RASA1: variants seen among roughly 807,000 people sequenced by gnomAD.
RASA1 encodes the protein ras GTPase-activating protein 1.
In RASA1, 25 loss-of-function variants were observed where a neutral mutation model predicts 132.2. The ratio of observed to expected loss-of-function variants is 0.19; its 90% CI spans 0.14 to 0.26. The LOEUF (loss-of-function observed/expected upper bound fraction) is 0.26. RASA1 is among the 10% of genes least tolerant of loss of function. The pLI is 1.00. For missense variants in RASA1, 964 were observed against 1,299.2 expected (o/e 0.74, Z 3.97); for synonymous variants, 477 against 449.9 (o/e 1.06, Z -0.76).
chr5:87,278,026 C>T (rs528907594), intron 1 of RASA1, among the ~76,000 whole-genome samples: 3 of 152,090 alleles, frequency 2.0e-5, no homozygotes, highest in East Asian at 1.9e-4. Flanking sequence ...TTAAAAATTT[C>T]GCTAATACAT....
In RASA1 at chr5:87,381,449, T is replaced by C. The variant is rs1054999938; in HGVS notation, c.2690+854T>C. Among the ~76,000 whole-genome samples the C allele has an allele frequency of 5.3e-5, 8 of 152,352 alleles. No homozygotes were observed. The South Asian group carries it at 1.4e-3, about 28-fold the overall frequency. ...AGTTTTCTAATAATATAATTTGTTA[T>C]TTAGAATATACACTGTCATGTCATG... On this transcript the variant is annotated intron_variant, in intron 20 of 24. Coordinates refer to ENST00000274376, the MANE Select transcript of RASA1 (RefSeq NM_002890.3).
rs747740174 is a variant in RASA1 at position 87,268,396 on chromosome 5, G to T, written c.-56G>T. The T allele has an allele frequency of 5.4e-6, 8 of 1,468,726 alleles. No individual in the cohort carries two copies. The highest frequency in any genetic ancestry group is 5.1e-5 in the Admixed American group (2 of 39,044). The allele number at this position is 1,468,726 out of a possible 1,614,324, so 91.0% of individuals were successfully genotyped here. A position where few individuals can be genotyped will look rare whatever the true frequency, so the allele number is the denominator to read the frequency against. ...TGGGGCTGCTCGGAGCCCGGGCCTG[G>T]TGGCCCCTGGGGCTCCCGGGCGGGC... On this transcript the variant is annotated 5_prime_UTR_variant, in exon 1 of 25. Coordinates refer to ENST00000274376, the MANE Select transcript of RASA1 (RefSeq NM_002890.3).
At chr5:87,287,463 T>C (rs988768995) in intron 1 of RASA1, among the ~76,000 whole-genome samples, 1 of 147,344 alleles carries the variant, frequency 6.8e-6, no homozygotes, top group African/African-American at 2.5e-5. Flanking sequence ...ATACCATATA[T>C]ATACACACCA....
chr5:87,355,513 TACTGATC>T (rs1263773389), intron 9 of RASA1, among the ~76,000 whole-genome samples: 15 of 152,326 alleles, frequency 9.8e-5, no homozygotes, highest in African/African-American at 3.6e-4. Context: ...TTGAAAATGT[TACTGATC>T]ACTGACAATG....
chr5:87,378,365 A>G (rs946726733), intron 17 of RASA1, 31 bp from the exon 18 acceptor site: 18 of 1,609,914 alleles, frequency 1.1e-5, no homozygotes, highest in African/African-American at 2.7e-5. Flanking sequence ...AGTCCTTTAC[A>G]AATAATCTTC....
intron 9 of RASA1, among the ~76,000 whole-genome samples, chr5:87,357,141 C>G (rs1335342884): frequency 6.6e-6 from 1 of 152,064 alleles, no homozygotes; most frequent in Non-Finnish European, 1.5e-5. Flanking sequence ...TTTTAACATC[C>G]ATCTTGTTTC....
intron 6 of RASA1, among the ~76,000 whole-genome samples, chr5:87,345,736 G>A (rs139888186): frequency 3.1e-3 from 478 of 152,204 alleles, no homozygotes; most frequent in Non-Finnish European, 5.4e-3. Flanking sequence ...CTCTGAACCT[G>A]TCACACTGGA....
chr5:87,387,209 A>AG (rs1262379997), intron 23 of RASA1, among the ~76,000 whole-genome samples: 1 of 152,070 alleles, frequency 6.6e-6, no homozygotes, highest in Non-Finnish European at 1.5e-5. Context: ...GACTGCCATG[A>AG]CATTCTGTTG....
chr5:87,381,188 A>G (rs1761689957), intron 20 of RASA1, among the ~76,000 whole-genome samples: 1 of 152,190 alleles, frequency 6.6e-6, no homozygotes, highest in African/African-American at 2.4e-5. Flanking sequence ...CTTCATTATC[A>G]TTATTCTAAC....
chr5:87,325,070 G>C (rs983016735), intron 1 of RASA1, among the ~76,000 whole-genome samples: 14 of 152,174 alleles, frequency 9.2e-5, no homozygotes, highest in African/African-American at 3.1e-4. Flanking sequence ...TCATAGTTCC[G>C]CAGGGCTGGG....
chr5:87,385,375 G>A lies in RASA1; in HGVS notation c.2833G>A (p.Glu945Lys). 1 of 1,604,674 alleles carries A rather than the reference G, an allele frequency of 6.2e-7. No homozygotes were observed. Among genetic ancestry groups the A allele is most frequent in the Non-Finnish European group, 8.5e-7 (1 of 1,171,908 alleles). Reference protein sequence around the residue: ...KSVQNLANLVEFGAKEPYMEG... With the variant: ...KSVQNLANLVKFGAKEPYMEG... ...TGTGCAGAACTTAGCAAATCTTGTG[G>A]AATTTGGAGCTAAGGTAAAAACATT... Residue 945 changes from glutamate to lysine, a missense_variant, in exon 22 of 25, where the codon GAA becomes AAA. Around this residue, in one of 6 missense-constraint regions of RASA1, gnomAD observed 107 missense variants for 163.8 expected, o/e 0.65. Transcript: ENST00000274376.
intron 23 of RASA1, 150 bp downstream of exon 23, chr5:87,387,053 A>C: frequency 1.4e-6 from 1 of 689,722 alleles, no homozygotes; most frequent in Non-Finnish European, 2.5e-6. Context: ...CCTAAACAAA[A>C]AACATATTTT....
intron 1 of RASA1, among the ~76,000 whole-genome samples, chr5:87,270,497 G>A (rs1753779065): frequency 6.6e-6 from 1 of 151,170 alleles, no homozygotes; most frequent in African/African-American, 2.4e-5. Flanking sequence ...ACAGGCGCAT[G>A]CCACCATGTC....
intron 1 of RASA1, chr5:87,294,574 TGTATTTTCATTTTAATTTAAA>T (rs1329812090): frequency 6.6e-6 from 1 of 152,260 alleles, no homozygotes; most frequent in East Asian, 1.9e-4. Context: ...AGTGTTAAAT[TGTATTTTCATTTTAATTTAAA>T]GTATTTTAAA....
At chr5:87,373,336 T>TTACG (rs1277670289) in intron 13 of RASA1, among the ~76,000 whole-genome samples, 3 of 152,206 alleles carry the variant, frequency 2.0e-5, no homozygotes, top group Admixed American at 2.0e-4. Context: ...TAGAGATGAT[T>TTACG]TACGGCATAC....
intron 1 of RASA1, among the ~76,000 whole-genome samples, chr5:87,281,274 C>T (rs1754307186): frequency 1.3e-5 from 2 of 149,562 alleles, no homozygotes; most frequent in South Asian, 4.2e-4. Context: ...CGGAGTTTCG[C>T]TCTTGTTGCC....
At position 87,343,718 on chromosome 5, in the gene RASA1, G is replaced by A. The variant is rs894821226; in HGVS notation, c.1049+2397G>A. ...ATATGATCCGGCAATCCCACTGCTG[G>A]GTATATATCCAAAAGAAAGGAAATC... is the stretch of plus-strand genomic sequence containing the variant. On this transcript the variant is annotated intron_variant, in intron 6 of 24. Transcript: ENST00000274376. Among the ~76,000 whole-genome samples the A allele has an allele frequency of 5.3e-5, 8 of 152,114 alleles. No homozygotes were observed. The South Asian group carries it at 1.7e-3, about 32-fold the overall frequency.
intron 7 of RASA1, among the ~76,000 whole-genome samples, chr5:87,348,007 C>A (rs1409718444): frequency 6.6e-6 from 1 of 151,926 alleles, no homozygotes; most frequent in Non-Finnish European, 1.5e-5. Flanking sequence ...ATTTTCTCTC[C>A]TGAGAAGTAC....
At chr5:87,304,032 C>A (rs2112290335) in intron 1 of RASA1, among the ~76,000 whole-genome samples, 1 of 152,162 alleles carries the variant, frequency 6.6e-6, no homozygotes, top group East Asian at 1.9e-4. Context: ...CAGAGTTTCA[C>A]CATGTTGACC....
Sources: gnomAD v4.1 joint callset for allele counts (sites outside exome capture counted in the v4.1 genomes callset) on GRCh38, gnomAD v4.1.1 for gene constraint, gnomAD v4.1.1 regional missense constraint, MANE v1.5 for transcripts, NCBI Gene and HGNC (gene_info 2026-07-23, HGNC 2026-07-21) for gene names.